Variants in PARD3B observed in about 807,000 individuals in gnomAD.
The protein encoded by PARD3B is partitioning defective 3 homolog B.
Under a neutral mutation model 130.2 loss-of-function variants are expected in PARD3B, and 103 were observed. The ratio of observed to expected loss-of-function variants is 0.79; its 90% CI spans 0.67 to 0.93. The LOEUF is 0.93. PARD3B is among the 40% of genes least tolerant of loss of function. PARD3B has a pLI of 0.00. For missense variants in PARD3B, 1,609 were observed against 1,499.2 expected, an observed-to-expected ratio of 1.07 and a Z score of -1.21; for synonymous variants, 583 against 553.2, an observed-to-expected ratio of 1.05 and a Z score of -0.76.
At chr2:204,570,577 C>T (rs1302938154) in intron 1 of PARD3B, among the ~76,000 whole-genome samples, 1 of 152,080 alleles carries the variant, frequency 6.6e-6, no homozygotes, top group Non-Finnish European at 1.5e-5. Flanking sequence ...AGCTCTATTC[C>T]AAAGGTGAGG....
At chr2:204,763,310 G>A (rs58536641) in intron 2 of PARD3B, among the ~76,000 whole-genome samples, 1 of 152,106 alleles carries the variant, frequency 6.6e-6, no homozygotes, top group Admixed American at 6.6e-5. Context: ...TATAGATTCA[G>A]TTTGCTTTGT....
At chr2:204,715,053 G>A (rs187727938) in intron 2 of PARD3B, among the ~76,000 whole-genome samples, 67 of 152,282 alleles carry the variant, frequency 4.4e-4, no homozygotes, top group African/African-American at 1.5e-3. Context: ...AGGCATCCTT[G>A]AAGTGAATAT....
At chr2:205,504,277 A>G (rs1575184478) in intron 21 of PARD3B, among the ~76,000 whole-genome samples, 1 of 152,216 alleles carries the variant, frequency 6.6e-6, no homozygotes, top group East Asian at 1.9e-4. Context: ...TTAGTCCTAA[A>G]ACCATAAAAA....
chr2:205,589,622 T>C lies in PARD3B; in HGVS notation c.3261-25834T>C, dbSNP rs918121281. 2.0e-5 allele frequency among the ~76,000 whole-genome samples: 3 copies of C among 152,188 alleles called. No individual in the cohort carries two copies. The highest frequency in any genetic ancestry group is 7.2e-5 in the African/African-American group (3 of 41,452). On this transcript the variant is annotated intron_variant, in intron 22 of 22. Coordinates refer to ENST00000406610, the MANE Select transcript of PARD3B (RefSeq NM_001302769.2). The surrounding 1 kb of genome is among the most constrained non-coding windows in gnomAD (Gnocchi z 4.1). ...AGCAGGCAAGACTTGTCTTGGCATG[T>C]TTTCTATTTATATAACTAATTGCAA...
At chr2:204,580,301 C>T (rs1003528963) in intron 1 of PARD3B, among the ~76,000 whole-genome samples, 9 of 152,166 alleles carry the variant, frequency 5.9e-5, no homozygotes, top group African/African-American at 2.2e-4. Context: ...CTGCCCTTTG[C>T]ATCCATGTTT....
At chr2:205,311,993 C>T (rs1411511533) in intron 18 of PARD3B, among the ~76,000 whole-genome samples, 3 of 152,084 alleles carry the variant, frequency 2.0e-5, no homozygotes, top group African/African-American at 7.2e-5. Context: ...AATACATTAC[C>T]CATAAAGATA....
chr2:205,416,780 A>AT lies in PARD3B; in HGVS notation c.2741+15667dup, dbSNP rs536453495. On this transcript the variant is annotated intron_variant, in intron 19 of 22. Transcript: ENST00000406610. ...ATAGATGCTAAGGACTCAAGGATTA[A>AT]TTTTTTTTTTAAGGAGAAATAAGAT... is the stretch of plus-strand genomic sequence containing the variant. 1.2e-3 allele frequency among the ~76,000 whole-genome samples: 185 copies of AT among 149,910 alleles called. 1 individual carries two copies. Among genetic ancestry groups the AT allele is most frequent in the African/African-American group, 3.3e-3 (134 of 41,032 alleles).
chr2:205,486,155 G>T (rs538181865), intron 20 of PARD3B, among the ~76,000 whole-genome samples: 28 of 152,184 alleles, frequency 1.8e-4, no homozygotes, highest in Non-Finnish European at 2.8e-4. Flanking sequence ...ATTTAGGTCT[G>T]CTACCAGTTT....
chr2:204,820,695 A>T (rs1206401719), intron 2 of PARD3B, among the ~76,000 whole-genome samples: 1 of 151,992 alleles, frequency 6.6e-6, no homozygotes, highest in African/African-American at 2.4e-5. Flanking sequence ...GGTGCCTATA[A>T]TCCAAGCTAC....
chr2:205,102,293 T>C (rs1702840035), intron 4 of PARD3B, among the ~76,000 whole-genome samples: 2 of 152,096 alleles, frequency 1.3e-5, no homozygotes. Context: ...GCTTGATATA[T>C]AGAGAAGCAG....
Position 204,704,291 on chromosome 2 carries a change from G to A in PARD3B, c.222+18009G>A, listed in dbSNP as rs187747251. Among the ~76,000 whole-genome samples the A allele has an allele frequency of 3.4e-3, 516 of 152,220 alleles. 3 individuals carry two copies. The highest frequency in any genetic ancestry group is 0.012 in the African/African-American group (485 of 41,560). Reference sequence around the variant, plus strand: ...ATACAGATGCTTGGAATCTTTAAAGGTTTTAATGTATCAGTATATGTAAAG... The same window carrying A: ...ATACAGATGCTTGGAATCTTTAAAGATTTTAATGTATCAGTATATGTAAAG... On this transcript the variant is annotated intron_variant, in intron 2 of 22. Transcript: ENST00000406610.
intron 2 of PARD3B, among the ~76,000 whole-genome samples, chr2:204,874,915 T>C (rs1381583442): frequency 6.6e-6 from 1 of 152,216 alleles, no homozygotes; most frequent in Non-Finnish European, 1.5e-5. Flanking sequence ...AGTGGTTTGC[T>C]CCTTTTTTAT....
intron 2 of PARD3B, among the ~76,000 whole-genome samples, chr2:204,738,977 T>C (rs139902259): frequency 6.6e-6 from 1 of 152,332 alleles, no homozygotes; most frequent in Non-Finnish European, 1.5e-5. Context: ...CTAGCTATAC[T>C]CAGTGGGAGG....
In PARD3B at chr2:205,151,039, T is replaced by C. The variant is rs1056358264; in HGVS notation, c.1435-7683T>C. On this transcript the variant is annotated intron_variant, in intron 10 of 22. Coordinates refer to ENST00000406610, the MANE Select transcript of PARD3B (RefSeq NM_001302769.2). ...ACAAATTCGTAAGAATATAAGGTAATGCATATGTTAATTAGCTCAATTTAG... is the reference window on the plus strand; with the variant it reads ...ACAAATTCGTAAGAATATAAGGTAACGCATATGTTAATTAGCTCAATTTAG... Among the ~76,000 whole-genome samples the C allele has an allele frequency of 3.9e-5, 6 of 152,352 alleles. No homozygotes were observed. In the South Asian group the frequency reaches 1.0e-3, roughly 26 times the overall value.
At chr2:205,615,384 C>A in intron 22 of PARD3B, 72 bp from the exon 23 acceptor site, 2 of 1,331,638 alleles carry the variant, frequency 1.5e-6, no homozygotes, top group Non-Finnish European at 1.0e-6. Flanking sequence ...GCACAGGAGG[C>A]TGAGGAACAT....
chr2:204,579,124 T>TCACAA (rs1421121596), intron 1 of PARD3B, among the ~76,000 whole-genome samples: 1 of 151,844 alleles, frequency 6.6e-6, no homozygotes, highest in Non-Finnish European at 1.5e-5. Context: ...GAAATCATCA[T>TCACAA]CATCATCATC....
In PARD3B at chr2:205,265,064, A is replaced by G. The variant is rs1170591175; in HGVS notation, c.2185+19242A>G. On this transcript the variant is annotated intron_variant, in intron 16 of 22. Transcript: ENST00000406610. The surrounding 1 kb of genome is among the most constrained non-coding windows in gnomAD (Gnocchi z 4.3). Reference sequence around the variant, plus strand: ...TCGGAACAACCAGGGAAAAATATCAACAGCGAAACCGGATAGATGTGGCAC... The same window carrying G: ...TCGGAACAACCAGGGAAAAATATCAGCAGCGAAACCGGATAGATGTGGCAC... Among the ~76,000 whole-genome samples the G allele has an allele frequency of 2.1e-5, 3 of 141,990 alleles. 1 individual carries two copies. The highest frequency in any genetic ancestry group is 4.8e-5 in the Non-Finnish European group (3 of 63,040). The allele number at this position is 141,990 out of a possible 152,430, so 93.2% of individuals were successfully genotyped here. A position where few individuals can be genotyped will look rare whatever the true frequency, so the allele number is the denominator to read the frequency against.
chr2:204,730,458 A>T (rs1205928208), intron 2 of PARD3B, among the ~76,000 whole-genome samples: 4 of 151,914 alleles, frequency 2.6e-5, no homozygotes, highest in African/African-American at 9.7e-5. Flanking sequence ...CAAAATTAGT[A>T]TGTAGTTTTG....
chr2:204,917,510 G>C (rs2047493488), intron 2 of PARD3B, among the ~76,000 whole-genome samples: 1 of 152,148 alleles, frequency 6.6e-6, no homozygotes, highest in South Asian at 2.1e-4. Flanking sequence ...GCTGAGCTGG[G>C]GAATTCTATG....
Sources: allele counts gnomAD v4.1 joint callset (sites outside exome capture counted in the v4.1 genomes callset), GRCh38; gene constraint gnomAD v4.1.1; non-coding constraint Gnocchi (gnomAD v3.1); transcripts MANE v1.5; gene names NCBI Gene and HGNC (gene_info 2026-07-23, HGNC 2026-07-21).